The following DOCK4 variants were observed in gnomAD, a reference collection of about 807,000 sequenced individuals.
DOCK4 encodes dedicator of cytokinesis 4.
A neutral mutation model predicts 268.1 loss-of-function variants in DOCK4; 97 were observed. The ratio of observed to expected loss-of-function variants is 0.36; its 90% CI spans 0.31 to 0.43. The LOEUF is 0.43. Ranked by LOEUF, DOCK4 falls within the 20% of genes least tolerant of loss-of-function variation. DOCK4 has a pLI of 1.00. For missense variants in DOCK4, 2,145 were observed against 2,455.7 expected, an observed-to-expected ratio of 0.87 and a Z score of 2.67; for synonymous variants, 954 against 887.2, an observed-to-expected ratio of 1.08 and a Z score of -1.34.
chr7:112,119,832 A>C (rs1460920372), intron 1 of DOCK4, among the ~76,000 whole-genome samples: 1 of 151,818 alleles, frequency 6.6e-6, no homozygotes. Context: ...TTTAGTGCTC[A>C]ATAAATGGGT....
Position 111,736,994 on chromosome 7 carries a change from A to AAAGT in DOCK4, c.5233-9_5233-6dup. On this transcript the variant is annotated splice_region_variant and splice_polypyrimidine_tract_variant and intron_variant, in intron 49 of 52. Transcript: ENST00000428084. ...AATATGATTAAACAGCATCCTCTGC[A>AAAGT]AAGTTACAAGGGTTGATTTTTATGA... 6.2e-7 allele frequency: 1 copy of AAAGT among 1,600,986 alleles called. No individual in the cohort carries two copies. Among genetic ancestry groups the AAAGT allele is most frequent in the Non-Finnish European group, 8.5e-7 (1 of 1,173,396 alleles).
chr7:111,878,423 C>T (rs1238679516), intron 16 of DOCK4, among the ~76,000 whole-genome samples: 3 of 152,158 alleles, frequency 2.0e-5, no homozygotes, highest in East Asian at 1.9e-4. Context: ...CATTCTCCTG[C>T]GCCAACCCCA....
At chr7:112,013,853 G>A (rs1488857264) in intron 1 of DOCK4, among the ~76,000 whole-genome samples, 2 of 150,426 alleles carry the variant, frequency 1.3e-5, no homozygotes, top group African/African-American at 2.5e-5. Flanking sequence ...GGCTTAGCCT[G>A]TACCCTAACT....
At chr7:112,165,656 T>C (rs561598679) in intron 1 of DOCK4, among the ~76,000 whole-genome samples, 1 of 152,128 alleles carries the variant, frequency 6.6e-6, no homozygotes, top group East Asian at 1.9e-4. Context: ...ATGATAACTA[T>C]TACTCCCTTC....
chr7:111,875,031 A>G (rs186630643), intron 17 of DOCK4, among the ~76,000 whole-genome samples: 1 of 152,344 alleles, frequency 6.6e-6, no homozygotes, highest in Non-Finnish European at 1.5e-5. Context: ...CGACACAAAG[A>G]TGTGTGTTTA....
Position 111,783,946 on chromosome 7 carries a change from T to C in DOCK4, c.3435A>G (p.Leu1145=), listed in dbSNP as rs777167420. ...IPLFGPYPSL[L]KKIERETWRE... is the part of the protein sequence containing the mutation. ...GCCATGTTTCCCGCTCAATTTTCTTTAGTAGACTGGAAAAGAAAGAACCCG... is the reference window on the plus strand; with the variant it reads ...GCCATGTTTCCCGCTCAATTTTCTTCAGTAGACTGGAAAAGAAAGAACCCG... Residue 1145 remains leucine, a synonymous_variant, in exon 34 of 53, where the codon CTA becomes CTG. Transcript: ENST00000428084. The C allele has an allele frequency of 2.0e-5, 32 of 1,602,068 alleles. 1 individual carries two copies. The highest frequency in any genetic ancestry group is 1.8e-4 in the East Asian group (8 of 44,450).
chr7:111,883,985 A>T (rs1022406072), intron 16 of DOCK4, among the ~76,000 whole-genome samples: 1 of 152,178 alleles, frequency 6.6e-6, no homozygotes, highest in Admixed American at 6.5e-5. Context: ...CCGCCCATCA[A>T]TTCAGTGAAG....
At chr7:111,991,589 G>C (rs1258152428) in intron 5 of DOCK4, among the ~76,000 whole-genome samples, 1 of 152,082 alleles carries the variant, frequency 6.6e-6, no homozygotes, top group African/African-American at 2.4e-5. Context: ...TACAGGTTTT[G>C]GCAGCAGCAG....
chr7:111,828,652 A>C (rs539910185), intron 26 of DOCK4, among the ~76,000 whole-genome samples: 1 of 152,212 alleles, frequency 6.6e-6, no homozygotes, highest in East Asian at 1.9e-4. Flanking sequence ...CACGTCTAGG[A>C]ATTTATTCTA....
intron 42 of DOCK4, among the ~76,000 whole-genome samples, chr7:111,749,031 G>T (rs548802673): frequency 8.1e-4 from 124 of 152,184 alleles, no homozygotes; most frequent in Non-Finnish European, 1.5e-3. Context: ...TGTTTAGAGA[G>T]GCAAATAGGT....
chr7:111,828,584 T>A (rs1314213452), intron 26 of DOCK4, among the ~76,000 whole-genome samples: 1 of 152,160 alleles, frequency 6.6e-6, no homozygotes, highest in Non-Finnish European at 1.5e-5. Flanking sequence ...TCTCAATATA[T>A]AATTGATCAA....
rs1397481757 is a variant in DOCK4, at chr7:111,726,536, T to G, written c.*1738A>C. On this transcript the variant is annotated 3_prime_UTR_variant, in exon 53 of 53. Coordinates refer to ENST00000428084, the MANE Select transcript of DOCK4 (RefSeq NM_001363540.2). ...AAAGCTAGTTCAAAAAATTTCTGAC[T>G]GCAAAACTTGCAAGATACAAAGCTA... is the stretch of plus-strand genomic sequence containing the variant. 12 of 152,654 alleles carry G rather than the reference T, an allele frequency of 7.9e-5. No individual in the cohort carries two copies. The highest frequency in any genetic ancestry group is 2.6e-4 in the African/African-American group (11 of 41,594). 9.5% of individuals were successfully genotyped at this position (152,654 alleles called of 1,614,324 possible).
chr7:112,007,979 G>A (rs1001028584), intron 1 of DOCK4, among the ~76,000 whole-genome samples: 1 of 151,930 alleles, frequency 6.6e-6, no homozygotes, highest in Admixed American at 6.6e-5. Context: ...ACTTCCCAGG[G>A]GCATTTTCCC....
At chr7:112,078,946 CA>C (rs1808338498) in intron 1 of DOCK4, among the ~76,000 whole-genome samples, 1 of 151,964 alleles carries the variant, frequency 6.6e-6, no homozygotes. Context: ...GGTAACATGG[CA>C]AAACTCCGTC....
chr7:111,878,159 T>A (rs138011045), intron 16 of DOCK4, among the ~76,000 whole-genome samples: 1 of 152,296 alleles, frequency 6.6e-6, no homozygotes, highest in East Asian at 1.9e-4. Flanking sequence ...TGGTCTTATC[T>A]CTTTAAGTCA....
chr7:111,784,327 C>T (rs1799012752), intron 32 of DOCK4: 6 of 708,396 alleles, frequency 8.5e-6, no homozygotes, highest in Non-Finnish European at 1.5e-5. Context: ...ACAGGAGTGC[C>T]TCCAAGTTTA....
chr7:112,090,675 G>A (rs530586392), intron 1 of DOCK4, among the ~76,000 whole-genome samples: 2 of 152,246 alleles, frequency 1.3e-5, no homozygotes, highest in South Asian at 4.1e-4. Flanking sequence ...ATGGAAAGAA[G>A]CAAACAACAT....
At chr7:111,893,001 C>T (rs1808420284) in intron 16 of DOCK4, among the ~76,000 whole-genome samples, 1 of 152,130 alleles carries the variant, frequency 6.6e-6, no homozygotes, top group Non-Finnish European at 1.5e-5. Flanking sequence ...AATTAGACAG[C>T]CTACACATAC....
intron 52 of DOCK4, among the ~76,000 whole-genome samples, chr7:111,731,099 C>G (rs79852150): frequency 0.077 from 11,710 of 152,202 alleles, 598 homozygotes; most frequent in African/African-American, 0.14. Flanking sequence ...CTATGACTTC[C>G]AGAGTGAATG....
Sources: gnomAD v4.1 joint callset for allele counts (sites outside exome capture counted in the v4.1 genomes callset) on GRCh38, gnomAD v4.1.1 for gene constraint, MANE v1.5 for transcripts, NCBI Gene and HGNC (gene_info 2026-07-23, HGNC 2026-07-21) for gene names.